ACSBG2: variants seen among roughly 807,000 people sequenced by gnomAD.
The protein encoded by ACSBG2 is long-chain-fatty-acid--CoA ligase ACSBG2.
In ACSBG2, 62 loss-of-function variants were observed where a neutral mutation model predicts 74.7. That is an observed-to-expected ratio of 0.83 (90% CI 0.68 to 1.03). The LOEUF is 1.03. Ranked by LOEUF, ACSBG2 falls within the 50% of genes least tolerant of loss-of-function variation. The pLI is 0.00. For synonymous variants in ACSBG2, 309 were observed against 294.1 expected, an observed-to-expected ratio of 1.05 and a Z score of -0.52; for missense variants, 730 against 817.6, an observed-to-expected ratio of 0.89 and a Z score of 1.31.
chr19:6,176,976 T>C (rs913451064), intron 7 of ACSBG2, among the ~76,000 whole-genome samples: 37 of 151,830 alleles, frequency 2.4e-4, no homozygotes, highest in African/African-American at 8.2e-4. Context: ...GAAAACATAG[T>C]GAGACCCCCT....
intron 8 of ACSBG2, among the ~76,000 whole-genome samples, chr19:6,179,823 G>A (rs1228896892): frequency 1.3e-5 from 2 of 152,042 alleles, no homozygotes; most frequent in African/African-American, 2.4e-5. Context: ...ATGTTGGCAA[G>A]GCTGGTCCTG....
chr19:6,146,596 T>C (rs2089042963), intron 2 of ACSBG2, among the ~76,000 whole-genome samples: 1 of 150,970 alleles, frequency 6.6e-6, no homozygotes, highest in Non-Finnish European at 1.5e-5. Flanking sequence ...AGAAACTCCA[T>C]CTCTACTAAA....
At chr19:6,167,935 C>T (rs2089853874) in intron 7 of ACSBG2, among the ~76,000 whole-genome samples, 1 of 152,158 alleles carries the variant, frequency 6.6e-6, no homozygotes, top group South Asian at 2.1e-4. Flanking sequence ...TGGTTGCTTC[C>T]ACCCCATCCG....
At chr19:6,176,472 C>T in intron 7 of ACSBG2, 1 of 1,242,602 alleles carries the variant, frequency 8.0e-7, no homozygotes, top group Non-Finnish European at 1.1e-6. Flanking sequence ...TCCAAGGTGC[C>T]TTATACTGAC....
intron 14 of ACSBG2, 162 bp downstream of exon 14, chr19:6,190,854 CTT>C: frequency 3.7e-6 from 2 of 540,876 alleles, no homozygotes; most frequent in South Asian, 2.1e-5. Context: ...CACACACACT[CTT>C]AGTTGCAGTG....
Position 6,187,460 on chromosome 19 carries a change from A to G in ACSBG2, c.1680+38A>G, listed in dbSNP as rs376779705. The G allele has an allele frequency of 8.4e-5, 136 of 1,611,618 alleles. No homozygotes were observed. The African/African-American group carries it at 1.8e-3, about 21-fold the overall frequency. On this transcript the variant is annotated intron_variant, in intron 12 of 14. Transcript: ENST00000588485. The stretch of plus-strand genomic sequence containing the variant: ...TGCTGTCATTGGGGGAAGTCTCTGC[A>G]GCCGGTCTTGGGTTCCCTGGCCCCA...
At chr19:6,184,772 G>A (rs2090350465) in intron 10 of ACSBG2, among the ~76,000 whole-genome samples, 1 of 126,764 alleles carries the variant, frequency 7.9e-6, no homozygotes, top group African/African-American at 3.0e-5. Flanking sequence ...TTTAAAATGA[G>A]GGTTTTGTTC....
intron 5 of ACSBG2, 45 bp from the exon 6 acceptor site, chr19:6,161,170 C>T (rs774776789): frequency 1.1e-5 from 17 of 1,543,070 alleles, no homozygotes; most frequent in Non-Finnish European, 1.5e-5. Flanking sequence ...TTTAGTCTTT[C>T]CCAGGGCTGG....
At chr19:6,140,011 C>G (rs558295852) in intron 1 of ACSBG2, among the ~76,000 whole-genome samples, 1 of 152,192 alleles carries the variant, frequency 6.6e-6, no homozygotes, top group East Asian at 1.9e-4. Flanking sequence ...ATCACGAGGT[C>G]AGGAGATCGA....
Position 6,160,382 on chromosome 19 carries a change from T to TC in ACSBG2, c.508-831dup, listed in dbSNP as rs1357221705. On this transcript the variant is annotated intron_variant, in intron 5 of 14. Coordinates refer to ENST00000588485, the MANE Select transcript of ACSBG2 (RefSeq NM_030924.5). ...TCTAGCCTAGGTGACTGAGTGAGAC[T>TC]CCGTCTCAAAAAAAAAAAAAAAGAA... 4.8e-5 allele frequency among the ~76,000 whole-genome samples: 6 copies of TC among 124,784 alleles called. No homozygotes were observed. The East Asian group carries it at 1.4e-3, about 28-fold the overall frequency. 81.9% of individuals were successfully genotyped at this position (124,784 alleles called of 152,430 possible).
chr19:6,190,418 T>G (rs958543378), intron 13 of ACSBG2, 166 bp from the exon 14 acceptor site: 5 of 588,502 alleles, frequency 8.5e-6, no homozygotes, highest in African/African-American at 7.5e-5. Context: ...ACATGGAAGT[T>G]TTATCATCCC....
intron 6 of ACSBG2, among the ~76,000 whole-genome samples, chr19:6,162,495 A>G (rs1281094712): frequency 1.4e-5 from 2 of 140,308 alleles, no homozygotes; most frequent in Non-Finnish European, 3.0e-5. Context: ...TGAACCCAGG[A>G]GGCGGAGCTT....
chr19:6,143,708 T>G (rs1462192670), intron 2 of ACSBG2, among the ~76,000 whole-genome samples: 1 of 152,132 alleles, frequency 6.6e-6, no homozygotes, highest in Admixed American at 6.6e-5. Flanking sequence ...CTCTTTGAGT[T>G]CCTAGATGCT....
At chr19:6,165,566 T>C (rs1444115304) in intron 6 of ACSBG2, among the ~76,000 whole-genome samples, 8 of 152,208 alleles carry the variant, frequency 5.3e-5, no homozygotes. Context: ...GCACTTTGCA[T>C]ATATTAACTC....
At chr19:6,158,492 TA>T (rs1275837263) in intron 5 of ACSBG2, among the ~76,000 whole-genome samples, 5 of 151,964 alleles carry the variant, frequency 3.3e-5, no homozygotes. Context: ...GTCGAAACTT[TA>T]AATTTCCTAC....
chr19:6,153,804 T>C lies in ACSBG2; in HGVS notation c.386+2009T>C, dbSNP rs1600045336. 5.4e-5 allele frequency among the ~76,000 whole-genome samples: 8 copies of C among 149,130 alleles called. 1 individual carries two copies. The Admixed American group carries it at 5.4e-4, about 10-fold the overall frequency. On this transcript the variant is annotated intron_variant, in intron 4 of 14. Transcript: ENST00000588485. ...TTGAGACTGCAGTGAATTATGATCATACCACTGCACTCCAGCCTGGGCAAC... is the reference window on the plus strand; with the variant it reads ...TTGAGACTGCAGTGAATTATGATCACACCACTGCACTCCAGCCTGGGCAAC...
intron 3 of ACSBG2, among the ~76,000 whole-genome samples, chr19:6,151,191 T>C (rs1017479546): frequency 3.1e-4 from 46 of 150,420 alleles, no homozygotes; most frequent in Admixed American, 2.1e-3. Context: ...AACATAAAAA[T>C]AAAAATAATA....
chr19:6,183,567 T>C (rs1211833101), intron 10 of ACSBG2, among the ~76,000 whole-genome samples: 2 of 152,196 alleles, frequency 1.3e-5, no homozygotes, highest in African/African-American at 2.4e-5. Flanking sequence ...TTCATCCCCA[T>C]GATCCTCCAT....
In ACSBG2 at chr19:6,174,406, G is replaced by C. The variant is rs77446465; in HGVS notation, c.739-2823G>C. On this transcript the variant is annotated intron_variant, in intron 7 of 14. Transcript: ENST00000588485. The surrounding 1 kb of genome is among the most constrained non-coding windows in gnomAD (Gnocchi z 4.2). ...GGAAAGAGAAACAAATTCCACCTCA[G>C]AATGGGAGGAGTAGCAGAGAATCTG... Among the ~76,000 whole-genome samples the C allele has an allele frequency of 1.8e-3, 267 of 152,322 alleles. No individual in the cohort carries two copies. The highest frequency in any genetic ancestry group is 2.9e-3 in the Non-Finnish European group (194 of 68,034).
Sources: allele counts gnomAD v4.1 joint callset (sites outside exome capture counted in the v4.1 genomes callset), GRCh38; gene constraint gnomAD v4.1.1; non-coding constraint Gnocchi (gnomAD v3.1); transcripts MANE v1.5; gene names NCBI Gene and HGNC (gene_info 2026-07-23, HGNC 2026-07-21).